Variants in DYNC2I1 observed in about 807,000 individuals in gnomAD.
The protein encoded by DYNC2I1 is dynein 2 intermediate chain 1.
In DYNC2I1, 89 loss-of-function variants were observed where a neutral mutation model predicts 133.4. The ratio of observed to expected loss-of-function variants is 0.67; its 90% CI spans 0.56 to 0.80. The LOEUF is 0.80. Ranked by LOEUF, DYNC2I1 falls within the 30% of genes least tolerant of loss-of-function variation. The pLI is 0.00. For synonymous variants in DYNC2I1, 504 were observed against 484.3 expected (o/e 1.04, Z -0.54); for missense variants, 1,291 against 1,314.5 (o/e 0.98, Z 0.28).
intron 7 of DYNC2I1, among the ~76,000 whole-genome samples, chr7:158,888,459 CCATA>C (rs1844835030): frequency 6.6e-6 from 1 of 151,310 alleles, no homozygotes; most frequent in South Asian, 2.1e-4. Context: ...CAATTTTGTG[CCATA>C]CATACATATA....
intron 23 of DYNC2I1, 143 bp from the exon 24 acceptor site, chr7:158,941,782 G>A: frequency 1.2e-6 from 1 of 860,150 alleles, no homozygotes; most frequent in South Asian, 1.6e-5. Flanking sequence ...GGAGGCCGAG[G>A]CAGGAGGATT....
downstream of DYNC2I1, among the ~76,000 whole-genome samples, chr7:158,949,492 T>C (rs1443614202): frequency 1.3e-5 from 2 of 151,814 alleles, no homozygotes; most frequent in Non-Finnish European, 2.9e-5. Flanking sequence ...AGAGCCAGGG[T>C]CCACCCCGCC....
Position 158,864,628 on chromosome 7 carries a change from G to A in DYNC2I1, c.16-5227G>A, listed in dbSNP as rs112004044. Among the ~76,000 whole-genome samples the A allele has an allele frequency of 1.0e-2, 1,515 of 152,038 alleles. 30 individuals are homozygous for A. The highest frequency in any genetic ancestry group is 0.034 in the African/African-American group (1,416 of 41,428). On this transcript the variant is annotated intron_variant, in intron 1 of 24. Coordinates refer to ENST00000407559, the MANE Select transcript of DYNC2I1 (RefSeq NM_018051.5). Reference sequence around the variant, plus strand: ...GGGCTCAAGTGAGCCTCCTGTCTTAGCCTCCTGAGTAGCTGGGACTGCGGT... The same window carrying A: ...GGGCTCAAGTGAGCCTCCTGTCTTAACCTCCTGAGTAGCTGGGACTGCGGT...
intron 15 of DYNC2I1, 83 bp downstream of exon 15, chr7:158,918,952 AT>A (rs3216979): frequency 0.12 from 172,990 of 1,394,864 alleles, 13,933 homozygotes; most frequent in East Asian, 0.43. Flanking sequence ...ATAATATTTT[AT>A]TTTAATGTGA....
upstream of DYNC2I1, among the ~76,000 whole-genome samples, chr7:158,855,266 G>A (rs1841157143): frequency 1.3e-5 from 2 of 152,142 alleles, no homozygotes; most frequent in Admixed American, 1.3e-4. Context: ...AGTGCTGATT[G>A]GTCAGAGATG....
At chr7:158,839,819 C>CA in the DYNC2I1 span, among the ~76,000 whole-genome samples, 17,880 of 140,964 alleles carry the variant, frequency 0.13, 1,160 homozygotes, top group African/African-American at 0.19. Context: ...GACTCCGTCT[C>CA]AAAAAAAAAA....
intron 4 of DYNC2I1, 120 bp from the exon 5 acceptor site, chr7:158,879,564 T>C: frequency 9.2e-7 from 1 of 1,087,438 alleles, no homozygotes; most frequent in African/African-American, 1.6e-5. Flanking sequence ...CACGATTTTC[T>C]TCAAATGTTT....
chr7:158,881,449 A>T (rs760161421), intron 5 of DYNC2I1, among the ~76,000 whole-genome samples: 1 of 151,516 alleles, frequency 6.6e-6, no homozygotes. Flanking sequence ...GTTTTTATTT[A>T]TTTTTATTTA....
intron 1 of DYNC2I1, among the ~76,000 whole-genome samples, chr7:158,865,862 G>A (rs768671724): frequency 5.3e-5 from 8 of 152,122 alleles, no homozygotes; most frequent in African/African-American, 1.7e-4. Context: ...CAGGGAAGTC[G>A]TAAATCACTG....
At chr7:158,860,260 T>C (rs1380801871) in intron 1 of DYNC2I1, among the ~76,000 whole-genome samples, 1 of 152,124 alleles carries the variant, frequency 6.6e-6, no homozygotes, top group Non-Finnish European at 1.5e-5. Flanking sequence ...GGTTTCACCA[T>C]GTTGGCCAGG....
rs752245321 is a variant in DYNC2I1 at position 158,902,608 on chromosome 7, A to G, written c.1357+13A>G. The G allele has an allele frequency of 9.9e-6, 16 of 1,611,024 alleles. No individual in the cohort carries two copies. The highest frequency in any genetic ancestry group is 1.6e-4 in the Middle Eastern group (1 of 6,076). ...GAGCCCAGGACAGGTAAACAAATCA[A>G]TGCTACTAATGGTGTCCGTGCTCTT... is the stretch of plus-strand genomic sequence containing the variant. On this transcript the variant is annotated intron_variant, in intron 10 of 24. Coordinates refer to ENST00000407559, the MANE Select transcript of DYNC2I1 (RefSeq NM_018051.5).
In DYNC2I1 at chr7:158,923,679, T is replaced by C. The variant is rs866425729; in HGVS notation, c.2203T>C (p.Ser735Pro). The C allele has an allele frequency of 3.1e-6, 5 of 1,614,002 alleles. No individual in the cohort carries two copies. In the Middle Eastern group the frequency reaches 6.6e-4, roughly 213 times the overall value. ...GAGAGAAGACTCAAGGCTGCATTAC[T>C]CTGTGACGCTGAGCGATGGCTTCTG... ...DLREDSRLHY[S>P]VTLSDGFWTF... Residue 735 changes from serine to proline, a missense_variant, in exon 17 of 25, where the codon TCT (serine) becomes CCT (proline). Transcript: ENST00000407559.
intron 12 of DYNC2I1, among the ~76,000 whole-genome samples, chr7:158,912,626 G>C (rs1192034775): frequency 6.6e-6 from 1 of 152,080 alleles, no homozygotes; most frequent in Non-Finnish European, 1.5e-5. Context: ...ATCTTTGGTG[G>C]TTTTCCTCAT....
chr7:158,879,809 A>G lies in DYNC2I1; in HGVS notation c.699A>G (p.Thr233=). 3 of 1,613,250 alleles carry G rather than the reference A, an allele frequency of 1.9e-6. No individual in the cohort carries two copies. The highest frequency in any genetic ancestry group is 2.5e-6 in the Non-Finnish European group (3 of 1,179,632). ...ACAAACACCGAGAAAAAAGCAGCAC[A>G]AGGGAAAAAAGAGAGAAATATTCCA... ...RDNKHREKSS[T]REKREKYSKE... The change falls in exon 5 of 25, where the codon ACA becomes ACG. Residue 233 remains threonine (T), a synonymous_variant. Coordinates refer to ENST00000407559, the MANE Select transcript of DYNC2I1 (RefSeq NM_018051.5).
chr7:158,889,386 C>T (rs1844959865), intron 7 of DYNC2I1, among the ~76,000 whole-genome samples: 1 of 152,046 alleles, frequency 6.6e-6, no homozygotes, highest in Non-Finnish European at 1.5e-5. Context: ...GGCCACCCCT[C>T]CTGTTTTTCC....
chr7:158,873,647 GT>G (rs1383414677), intron 3 of DYNC2I1, among the ~76,000 whole-genome samples: 14 of 152,196 alleles, frequency 9.2e-5, no homozygotes, highest in African/African-American at 3.1e-4. Flanking sequence ...ATAAAGTAGA[GT>G]CAGGGTCTTG....
chr7:158,949,325 A>T (rs1414195262), downstream of DYNC2I1, among the ~76,000 whole-genome samples: 2 of 152,278 alleles, frequency 1.3e-5, no homozygotes, highest in Non-Finnish European at 2.9e-5. Context: ...TATCTGAGAG[A>T]CAGTGAAGCC....
chr7:158,870,830 A>G (rs577696344), intron 2 of DYNC2I1, among the ~76,000 whole-genome samples: 2 of 152,192 alleles, frequency 1.3e-5, no homozygotes, highest in South Asian at 2.1e-4. Flanking sequence ...ATTGTACCCA[A>G]TGGGTAATTT....
intron 11 of DYNC2I1, among the ~76,000 whole-genome samples, chr7:158,908,761 A>C (rs1183907229): frequency 6.6e-6 from 1 of 152,134 alleles, no homozygotes; most frequent in East Asian, 1.9e-4. Context: ...GGCGGTCGGG[A>C]GCTGGAGCCA....
Sources: allele counts gnomAD v4.1 joint callset (sites outside exome capture counted in the v4.1 genomes callset), GRCh38; gene constraint gnomAD v4.1.1; transcripts MANE v1.5; gene names NCBI Gene and HGNC (gene_info 2026-07-23, HGNC 2026-07-21).